The following THADA variants were observed in gnomAD, a reference collection of about 807,000 sequenced individuals.
The protein encoded by THADA is tRNA (32-2'-O)-methyltransferase regulator THADA.
A neutral mutation model predicts 219.8 loss-of-function variants in THADA; 213 were observed. The ratio of observed to expected loss-of-function variants is 0.97; its 90% CI spans 0.87 to 1.09. THADA has a LOEUF of 1.09. Among genes scored for constraint, THADA ranks in the 50% least tolerant of loss-of-function variants. The pLI is 0.00. For missense variants in THADA, 2,956 were observed against 2,311.3 expected, an observed-to-expected ratio of 1.28 and a Z score of -5.72; for synonymous variants, 1,018 against 828.9, an observed-to-expected ratio of 1.23 and a Z score of -3.92.
At chr2:43,354,935 C>G (rs11124928) in intron 29 of THADA, among the ~76,000 whole-genome samples, 63,712 of 151,882 alleles carry the variant, frequency 0.42, 14,216 homozygotes, top group African/African-American at 0.53. Flanking sequence ...TCCCCCTTTT[C>G]CTTGGCACTT....
At chr2:43,528,793 T>G (rs1693503761) in intron 21 of THADA, among the ~76,000 whole-genome samples, 1 of 152,156 alleles carries the variant, frequency 6.6e-6, no homozygotes, top group Non-Finnish European at 1.5e-5. Flanking sequence ...CTTTTAAAAT[T>G]TTTTTTCTTT....
At chr2:43,318,775 T>C (rs1189097849) in intron 31 of THADA, among the ~76,000 whole-genome samples, 1 of 152,216 alleles carries the variant, frequency 6.6e-6, no homozygotes, top group African/African-American at 2.4e-5. Context: ...AATTAGGGTA[T>C]AAACTCTAAA....
chr2:43,515,352 T>TATATATAATATATA (rs70965303), intron 22 of THADA, among the ~76,000 whole-genome samples: 2 of 58,748 alleles, frequency 3.4e-5, no homozygotes, highest in African/African-American at 1.9e-4. Flanking sequence ...TATAATATTT[T>TATATATAATATATA]ATATATAATA....
chr2:43,417,171 G>GT (rs545941829), intron 28 of THADA, among the ~76,000 whole-genome samples: 36 of 137,202 alleles, frequency 2.6e-4, no homozygotes, highest in South Asian at 2.1e-3. Flanking sequence ...TGCTATTATT[G>GT]TTTTTTTTTT....
At chr2:43,503,651 T>C (rs770402335) in intron 24 of THADA, among the ~76,000 whole-genome samples, 42 of 152,144 alleles carry the variant, frequency 2.8e-4, no homozygotes, top group Admixed American at 2.2e-3. Context: ...TATACATTTC[T>C]GTATACTGAA....
At chr2:43,366,022 A>G (rs1458687065) in intron 29 of THADA, among the ~76,000 whole-genome samples, 2 of 152,180 alleles carry the variant, frequency 1.3e-5, no homozygotes, top group Non-Finnish European at 2.9e-5. Flanking sequence ...TACAGTAAAA[A>G]ATGACCCTTG....
At chr2:43,397,802 G>C (rs1468278999) in intron 29 of THADA, among the ~76,000 whole-genome samples, 169 bp downstream of exon 29, 1 of 151,806 alleles carries the variant, frequency 6.6e-6, no homozygotes, top group Admixed American at 6.6e-5. Flanking sequence ...TATTTGGGAT[G>C]AAAAAAGTAT....
At chr2:43,521,516 A>G (rs990292361) in intron 22 of THADA, among the ~76,000 whole-genome samples, 3 of 152,210 alleles carry the variant, frequency 2.0e-5, no homozygotes, top group Admixed American at 6.5e-5. Context: ...AGATTGCACC[A>G]CTGCACTCCA....
chr2:43,309,409 C>T (rs568137168), intron 31 of THADA, among the ~76,000 whole-genome samples: 4 of 152,256 alleles, frequency 2.6e-5, no homozygotes, highest in East Asian at 3.9e-4. Flanking sequence ...GCATTATTCA[C>T]GATCTCCAAA....
chr2:43,380,743 G>T (rs1371818083), intron 29 of THADA, among the ~76,000 whole-genome samples: 1 of 152,078 alleles, frequency 6.6e-6, no homozygotes, highest in East Asian at 1.9e-4. Flanking sequence ...TTGGAGAAAT[G>T]ACTAATTCTA....
At chr2:43,279,120 G>A (rs7561670) in intron 36 of THADA, among the ~76,000 whole-genome samples, 28,640 of 152,064 alleles carry the variant, frequency 0.19, 2,796 homozygotes, top group South Asian at 0.28. Flanking sequence ...CACAGCCTGA[G>A]TTCCTTTTAG....
At position 43,556,519 on chromosome 2, in the gene THADA, A is replaced by T. The variant is rs376783414; in HGVS notation, c.2500T>A (p.Leu834Met). 6 of 1,613,850 alleles carry T rather than the reference A, an allele frequency of 3.7e-6. No homozygotes were observed. The highest frequency in any genetic ancestry group is 5.1e-6 in the Non-Finnish European group (6 of 1,179,798). Reference protein sequence around the residue: ...GKLQGLFQAALELSTSTKPYD... With the variant: ...GKLQGLFQAAMELSTSTKPYD... ...GGTTTGGTGCTTGTGCTGAGCTCCA[A>T]TGCTGCCTGAAATAAGCCTTGCAGT... Residue 834 changes from leucine to methionine, a missense_variant, in exon 17 of 38, where the codon TTG becomes ATG. Coordinates refer to ENST00000405975, the MANE Select transcript of THADA (RefSeq NM_022065.5).
chr2:43,283,823 T>C (rs1394860278), intron 35 of THADA, among the ~76,000 whole-genome samples: 2 of 152,182 alleles, frequency 1.3e-5, no homozygotes, highest in Non-Finnish European at 2.9e-5. Context: ...GGCCATGTGG[T>C]ACAAAAGAAA....
chr2:43,567,785 A>G (rs1275175619), intron 14 of THADA, among the ~76,000 whole-genome samples: 6 of 152,228 alleles, frequency 3.9e-5, no homozygotes, highest in South Asian at 2.1e-4. Flanking sequence ...ACACTATCCT[A>G]CATACATAGT....
chr2:43,331,038 TG>T (rs1427738046), intron 30 of THADA, among the ~76,000 whole-genome samples: 3 of 152,220 alleles, frequency 2.0e-5, no homozygotes, highest in Non-Finnish European at 4.4e-5. Flanking sequence ...TAGTCCCTTC[TG>T]GGGCTACCAA....
intron 30 of THADA, among the ~76,000 whole-genome samples, chr2:43,321,478 G>T (rs1175654152): frequency 6.6e-6 from 1 of 152,216 alleles, no homozygotes; most frequent in East Asian, 1.9e-4. Context: ...TTTAAGAGGT[G>T]ATTGGGTCAT....
At chr2:43,517,703 G>A (rs943225970) in intron 22 of THADA, among the ~76,000 whole-genome samples, 1 of 152,018 alleles carries the variant, frequency 6.6e-6, no homozygotes, top group African/African-American at 2.4e-5. Context: ...TCATTTGCTC[G>A]TAATCTTGAA....
At chr2:43,491,657 A>G (rs769286866) in intron 25 of THADA, among the ~76,000 whole-genome samples, 4 of 152,202 alleles carry the variant, frequency 2.6e-5, no homozygotes, top group Non-Finnish European at 5.9e-5. Flanking sequence ...TTTGTAGCCT[A>G]GGAATAATAA....
chr2:43,296,404 T>C (rs1360436843), intron 31 of THADA, among the ~76,000 whole-genome samples: 1 of 151,968 alleles, frequency 6.6e-6, no homozygotes, highest in Non-Finnish European at 1.5e-5. Context: ...GCCTCCAGAG[T>C]AGCTGGAAAT....
Sources: gnomAD v4.1 joint callset for allele counts (sites outside exome capture counted in the v4.1 genomes callset) on GRCh38, gnomAD v4.1.1 for gene constraint, MANE v1.5 for transcripts, NCBI Gene and HGNC (gene_info 2026-07-23, HGNC 2026-07-21) for gene names.